Variants in CSF2RB observed in about 807,000 individuals in gnomAD.
CSF2RB encodes cytokine receptor common subunit beta.
A neutral mutation model predicts 67.2 loss-of-function variants in CSF2RB; 22 were observed. That is an observed-to-expected ratio of 0.33 (90% CI 0.23 to 0.47). The LOEUF is 0.47. Among genes scored for constraint, CSF2RB ranks in the 20% least tolerant of loss-of-function variants. The probability of loss-of-function intolerance (pLI) is 1.00; values close to 1 mark genes in which losing one functional copy is unlikely to be tolerated. For synonymous variants in CSF2RB, 507 were observed against 482.9 expected (o/e 1.05, Z -0.65); for missense variants, 1,113 against 1,174.5 (o/e 0.95, Z 0.76).
In CSF2RB at chr22:36,933,860, C is replaced by T. The variant is rs1941212425; in HGVS notation, c.1181C>T (p.Ala394Val). The part of the protein sequence containing the change: ...KDSKTETLQN[A>V]HSMALPALEP... The stretch of plus-strand genomic sequence containing the variant: ...AGCAAGACCGAGACCCTCCAGAACG[C>T]CCACAGCATGGCCCTGCCAGCCCTG... The change falls in exon 10 of 14, where the codon GCC becomes GTC. Residue 394 changes from alanine (A) to valine (V), a missense_variant. Transcript: ENST00000403662. 6.2e-7 allele frequency: 1 copy of T among 1,610,166 alleles called. No homozygotes were observed. The highest frequency in any genetic ancestry group is 8.5e-7 in the Non-Finnish European group (1 of 1,179,850).
rs2145805762 is a variant in CSF2RB, at chr22:36,929,746, T to C, written c.657T>C (p.Gly219=). Residue 219 remains glycine (G), a synonymous_variant, in exon 6 of 14, where the codon GGT becomes GGC. Transcript: ENST00000403662. The stretch of plus-strand genomic sequence containing the variant: ...GAGTACGGACCCGCCTGGCCCCAGG[T>C]TCTCGGCTCTCAGGACGTCCCAGCA... ...VARVRTRLAP[G]SRLSGRPSKW... The C allele has an allele frequency of 6.2e-7, 1 of 1,614,080 alleles. No homozygotes were observed. The highest frequency in any genetic ancestry group is 8.5e-7 in the Non-Finnish European group (1 of 1,180,000).
intron 4 of CSF2RB, 44 bp from the exon 5 acceptor site, chr22:36,929,358 C>T (rs200604301): frequency 2.5e-6 from 4 of 1,613,782 alleles, no homozygotes; most frequent in East Asian, 2.2e-5. Context: ...TGACTGCCCC[C>T]CAGCGGTCCA....
At chr22:36,934,187 G>A (rs193081526) in intron 10 of CSF2RB, among the ~76,000 whole-genome samples, 193 bp downstream of exon 10, 15 of 152,266 alleles carry the variant, frequency 9.9e-5, no homozygotes, top group African/African-American at 2.9e-4. Flanking sequence ...CATCAGACCC[G>A]CAAGTTGAAA....
chr22:36,917,241 G>C (rs755384129), intron 1 of CSF2RB, among the ~76,000 whole-genome samples: 2 of 151,992 alleles, frequency 1.3e-5, no homozygotes, highest in Non-Finnish European at 2.9e-5. Flanking sequence ...GTTTCTTAAG[G>C]GTTCTCCTTC....
At chr22:36,934,115 C>G in intron 10 of CSF2RB, 121 bp downstream of exon 10, 1 of 1,330,888 alleles carries the variant, frequency 7.5e-7, no homozygotes, top group Non-Finnish European at 1.0e-6. Context: ...GAGCCGTCTC[C>G]CCGATTAGAT....
rs116338863 is a variant in CSF2RB at position 36,936,306 on chromosome 22, C to G, written c.1465-243C>G. ...GGGGGTGAGCATGGAGACAGGCACT[C>G]CAGGTTAGAAAAATCACAGGAAAAG... On this transcript the variant is annotated intron_variant, in intron 12 of 13. Coordinates refer to ENST00000403662, the MANE Select transcript of CSF2RB (RefSeq NM_000395.3). 9.8e-3 allele frequency among the ~76,000 whole-genome samples: 1,493 copies of G among 152,122 alleles called. 20 individuals carry two copies. The highest frequency in any genetic ancestry group is 0.035 in the African/African-American group (1,443 of 41,482).
chr22:36,932,864 C>T lies in CSF2RB; in HGVS notation c.1112C>T (p.Thr371Ile), dbSNP rs765502608. Residue 371 changes from threonine (T) to isoleucine (I), a missense_variant, in exon 9 of 14, where the codon ACA (threonine) becomes ATA (isoleucine). Thr to Ile is a moderately conservative substitution (Grantham distance 89). Around this residue, in one of 2 missense-constraint regions of CSF2RB, gnomAD observed 559 missense variants for 656.5 expected, o/e 0.85. Transcript: ENST00000403662. The stretch of plus-strand genomic sequence containing the variant: ...ATGCGATACGAACACATAGACCACA[C>T]ATTTGAGATCCAGTACAGGAAAGAC... The part of the protein sequence containing the change: ...MKMRYEHIDH[T>I]FEIQYRKDTA... 4.3e-6 allele frequency: 7 copies of T among 1,614,068 alleles called. No individual in the cohort carries two copies. In the Admixed American group the frequency reaches 5.0e-5, roughly 12 times the overall value.
chr22:36,926,264 G>A, intron 4 of CSF2RB, 87 bp downstream of exon 4: 1 of 1,346,288 alleles, frequency 7.4e-7, no homozygotes, highest in South Asian at 1.2e-5. Flanking sequence ...CTTCAAGGCA[G>A]AAGGCTGTGG....
At chr22:36,925,921 C>A (rs6000489) in intron 3 of CSF2RB, 66 bp from the exon 4 acceptor site, 4 of 1,558,264 alleles carry the variant, frequency 2.6e-6, no homozygotes, top group Admixed American at 1.7e-5. Context: ...GGTGAGCACT[C>A]GAGGAACCTT....
In CSF2RB at chr22:36,922,064, G is replaced by A; in HGVS notation, c.-144G>A. ...TGGAGGAGGCAGAGGCCAGGAGGGA[G>A]AGGTCCCAAGAGCCTGTGAAATGGG... On this transcript the variant is annotated 5_prime_UTR_variant, in exon 2 of 14. Coordinates refer to ENST00000403662, the MANE Select transcript of CSF2RB (RefSeq NM_000395.3). The A allele has an allele frequency of 2.8e-6, 2 of 705,138 alleles. No homozygotes were observed. The highest frequency in any genetic ancestry group is 5.0e-6 in the Non-Finnish European group (2 of 402,546). The allele number at this position is 705,138 out of a possible 1,614,324, so 43.7% of individuals were successfully genotyped here. A position where few individuals can be genotyped will look rare whatever the true frequency, so the allele number is the denominator to read the frequency against.
rs6000495 is a variant in CSF2RB at position 36,938,911 on chromosome 22, G to A, written c.*409G>A. 89,999 of 583,604 alleles carry A rather than the reference G, an allele frequency of 0.15. 7,469 individuals carry two copies. Among genetic ancestry groups the A allele is most frequent in the South Asian group, 0.18 (8,325 of 46,340 alleles). The allele number at this position is 583,604 out of a possible 1,614,324, so 36.2% of individuals were successfully genotyped here. A position where few individuals can be genotyped will look rare whatever the true frequency, so the allele number is the denominator to read the frequency against. The stretch of plus-strand genomic sequence containing the variant: ...GCTGAGCCTTATCAGACTGAGATGC[G>A]GCTGGTTGTGTTGAGGACTTGTGTG... On this transcript the variant is annotated 3_prime_UTR_variant, in exon 14 of 14. Coordinates refer to ENST00000403662, the MANE Select transcript of CSF2RB (RefSeq NM_000395.3).
At chr22:36,927,551 G>A (rs184273062) in intron 4 of CSF2RB, among the ~76,000 whole-genome samples, 37 of 152,300 alleles carry the variant, frequency 2.4e-4, no homozygotes, top group African/African-American at 7.2e-4. Flanking sequence ...TGGGGAACCT[G>A]CTCACCATTG....
At chr22:36,922,892 T>G (rs1569131835) in intron 2 of CSF2RB, among the ~76,000 whole-genome samples, 2 of 151,878 alleles carry the variant, frequency 1.3e-5, no homozygotes, top group Admixed American at 1.3e-4. Context: ...GGGCTGAGTG[T>G]GTGCCCCCTC....
rs538941011 is a variant in CSF2RB, at chr22:36,920,882, A to AT, written c.-172-1147dup. Among the ~76,000 whole-genome samples the AT allele has an allele frequency of 3.3e-5, 5 of 152,224 alleles. No individual in the cohort carries two copies. The South Asian group carries it at 6.2e-4, about 19-fold the overall frequency. The stretch of plus-strand genomic sequence containing the variant: ...TATGTTGTTAATCAATGATTTTAGC[A>AT]TTTTTTTAAATTTAATATTTCATCG... On this transcript the variant is annotated intron_variant, in intron 1 of 13. Coordinates refer to ENST00000403662, the MANE Select transcript of CSF2RB (RefSeq NM_000395.3).
chr22:36,921,424 C>A (rs1444368904), intron 1 of CSF2RB, among the ~76,000 whole-genome samples: 1 of 150,380 alleles, frequency 6.6e-6, no homozygotes, highest in Non-Finnish European at 1.5e-5. Flanking sequence ...CTGTGTGTGT[C>A]TGTGTGTTGT....
intron 1 of CSF2RB, among the ~76,000 whole-genome samples, chr22:36,919,550 C>T (rs9607392): frequency 0.44 from 66,344 of 150,732 alleles, 16,502 homozygotes; most frequent in Admixed American, 0.58. Context: ...TACAGACGTG[C>T]GCCACCATGG....
rs559009635 is a variant in CSF2RB at position 36,921,396 on chromosome 22, G to A, written c.-172-640G>A. 1.8e-4 allele frequency among the ~76,000 whole-genome samples: 28 copies of A among 151,636 alleles called. 1 individual carries two copies. Among genetic ancestry groups the A allele is most frequent in the Admixed American group, 9.2e-4 (14 of 15,208 alleles). On this transcript the variant is annotated intron_variant, in intron 1 of 13. Transcript: ENST00000403662. Reference sequence around the variant, plus strand: ...ATGTGTGTGCATGTTTTGTGTGTACGTGTATATATGTATGTATCTGTGTGT... The same window carrying A: ...ATGTGTGTGCATGTTTTGTGTGTACATGTATATATGTATGTATCTGTGTGT...
chr22:36,921,948 T>C, intron 1 of CSF2RB, 88 bp from the exon 2 acceptor site: 1 of 578,806 alleles, frequency 1.7e-6, no homozygotes, highest in East Asian at 2.8e-5. Flanking sequence ...TGAGGGCCAC[T>C]TCTCTGGGTT....
chr22:36,923,357 C>A lies in CSF2RB; in HGVS notation c.190C>A (p.Arg64=), dbSNP rs774534225. The A allele has an allele frequency of 2.5e-6, 4 of 1,613,804 alleles. No individual in the cohort carries two copies. The Admixed American group carries it at 5.0e-5, about 20-fold the overall frequency. Residue 64 remains arginine, a synonymous_variant, in exon 3 of 14, where the codon CGG becomes AGG. Transcript: ENST00000403662. The stretch of plus-strand genomic sequence containing the variant: ...GCTCGTCAACGTGACCCTCATTCGC[C>A]GGGTGAATGAGTGAGTGATGCTGGG... The part of the protein sequence containing the change: ...QRLVNVTLIR[R]VNEDLLEPVS...
Sources: gnomAD v4.1 joint callset for allele counts (sites outside exome capture counted in the v4.1 genomes callset) on GRCh38, gnomAD v4.1.1 for gene constraint, gnomAD v4.1.1 regional missense constraint, MANE v1.5 for transcripts, NCBI Gene and HGNC (gene_info 2026-07-23, HGNC 2026-07-21) for gene names.